P2RY8: variants seen among roughly 807,000 people sequenced by gnomAD.
The protein encoded by P2RY8 is P2Y receptor family member 8.
In P2RY8, 6 loss-of-function variants were observed where a neutral mutation model predicts 10.0. The observed-to-expected ratio is 0.60, with a 90% CI of 0.33 to 1.19. P2RY8 has a LOEUF of 1.19. Ranked by LOEUF, P2RY8 falls within the 50% of genes most tolerant of loss-of-function variation. The pLI, the probability that P2RY8 is intolerant of heterozygous loss-of-function variation, is 0.04. For missense variants in P2RY8, 456 were observed against 542.0 expected, an observed-to-expected ratio of 0.84 and a Z score of 1.58; for synonymous variants, 276 against 252.5, an observed-to-expected ratio of 1.09 and a Z score of -0.88.
At chrX:1,506,834 C>T (rs1482257721) in intron 1 of P2RY8, among the ~76,000 whole-genome samples, 17 of 152,024 alleles carry the variant, frequency 1.1e-4, no homozygotes, top group African/African-American at 3.9e-4. Flanking sequence ...CCCGCCACCA[C>T]GCCCGGCTAA....
At chrX:1,488,167 T>C (rs1483963056) in intron 1 of P2RY8, among the ~76,000 whole-genome samples, 1 of 150,976 alleles carries the variant, frequency 6.6e-6, no homozygotes, top group Non-Finnish European at 1.5e-5. Flanking sequence ...AGTGTATCAC[T>C]AACAGCTGAG....
intron 1 of P2RY8, among the ~76,000 whole-genome samples, chrX:1,483,088 G>A (rs5948910): frequency 0.83 from 125,606 of 152,146 alleles, 56,386 homozygotes; most frequent in East Asian, 1. Context: ...AAACTTAAAT[G>A]AAAGATAAAA....
rs59423173 is a variant in P2RY8 at position 1,477,199 on chromosome X, A to AGAAG, written c.-24-10618_-24-10617insCTTC. Reference sequence around the variant, plus strand: ...GCAAGACTGCATCTCAAAAAAAAAAAAAGAAGAAGAAGAAGAAGAAATTCA... The same window carrying AGAAG: ...GCAAGACTGCATCTCAAAAAAAAAAAGAAGAAGAAGAAGAAGAAGAAGAAATTCA... On this transcript the variant is annotated intron_variant, in intron 1 of 1. Coordinates refer to ENST00000381297, the MANE Select transcript of P2RY8 (RefSeq NM_178129.5). Among the ~76,000 whole-genome samples, 109 of 148,470 alleles carry AGAAG rather than the reference A, an allele frequency of 7.3e-4. 1 individual carries two copies. Among genetic ancestry groups the AGAAG allele is most frequent in the African/African-American group, 2.0e-3 (79 of 40,114 alleles).
At chrX:1,530,153 GTATGATCTATCTATCTATC>G (rs1401416160) in intron 1 of P2RY8, among the ~76,000 whole-genome samples, 2,251 of 39,514 alleles carry the variant, frequency 0.057, 30 homozygotes, top group East Asian at 0.41. Context: ...ATGTATGTAT[GTATGATCTATCTATCTATC>G]TATCTATCTA....
intron 1 of P2RY8, among the ~76,000 whole-genome samples, chrX:1,509,161 T>TTCTATCTATCTATCTA (rs56651378): frequency 0.058 from 8,382 of 144,470 alleles, 227 homozygotes; most frequent in South Asian, 0.09. Context: ...TATCCATCCA[T>TTCTATCTATCTATCTA]TCTATCTATC....
At chrX:1,474,752 G>GATGT (rs1403909990) in intron 1 of P2RY8, among the ~76,000 whole-genome samples, 1 of 148,086 alleles carries the variant, frequency 6.8e-6, no homozygotes, top group Non-Finnish European at 1.5e-5. Context: ...TGGGTGAATG[G>GATGT]ATGTATGATG....
rs373671873 is a variant in P2RY8, at chrX:1,465,625, G to T, written c.934C>A (p.Arg312=). 1.2e-6 allele frequency: 2 copies of T among 1,613,234 alleles called. No homozygotes were observed. The highest frequency in any genetic ancestry group is 2.7e-5 in the African/African-American group (2 of 74,926). Residue 312 remains arginine (R), a synonymous_variant, in exon 2 of 2, where the codon CGG becomes AGG. Coordinates refer to ENST00000381297, the MANE Select transcript of P2RY8 (RefSeq NM_178129.5). ...GTGTCCAGGGTGTCTCTGGGCACCCGGCGGCAGCCCAAATATTCCCGCAGG... is the reference window on the plus strand; with the variant it reads ...GTGTCCAGGGTGTCTCTGGGCACCCTGCGGCAGCCCAAATATTCCCGCAGG... ...LRLREYLGCR[R]VPRDTLDTRR...
chrX:1,487,811 G>A (rs572759034), intron 1 of P2RY8, among the ~76,000 whole-genome samples: 169 of 152,186 alleles, frequency 1.1e-3, no homozygotes, highest in African/African-American at 3.9e-3. Context: ...GTCAGAATAC[G>A]GGTAAAAAAG....
chrX:1,521,139 A>G (rs2092388324), intron 1 of P2RY8, among the ~76,000 whole-genome samples: 1 of 140,594 alleles, frequency 7.1e-6, no homozygotes, highest in Non-Finnish European at 1.5e-5. Context: ...GGTTCAAGGG[A>G]TTCTCCTGCC....
chrX:1,508,705 T>C (rs1264539955), intron 1 of P2RY8, among the ~76,000 whole-genome samples: 8 of 2,934 alleles, frequency 2.7e-3, no homozygotes, highest in South Asian at 0.02. Flanking sequence ...ATCCATCCAT[T>C]CTATCTATCT....
In P2RY8 at chrX:1,465,839, C is replaced by T. The variant is rs780556675; in HGVS notation, c.720G>A (p.Ala240=). 6 of 1,612,898 alleles carry T rather than the reference C, an allele frequency of 3.7e-6. No homozygotes were observed. The highest frequency in any genetic ancestry group is 5.1e-6 in the Non-Finnish European group (6 of 1,179,734). The change falls in exon 2 of 2, where the codon GCG becomes GCA. Residue 240 remains alanine (A), a synonymous_variant. Coordinates refer to ENST00000381297, the MANE Select transcript of P2RY8 (RefSeq NM_178129.5). ...AGGTGACAAAGGCCAGCAAGACCAC[C>T]GCGGCCAGGCCCACCGCGCGCCTCC... ...EQRRRAVGLA[A]VVLLAFVTCF...
At chrX:1,535,453 GC>G (rs2092517110) in intron 1 of P2RY8, among the ~76,000 whole-genome samples, 1 of 151,590 alleles carries the variant, frequency 6.6e-6, no homozygotes, top group African/African-American at 2.4e-5. Context: ...CTCCCAAAGT[GC>G]TGGGATTACA....
intron 1 of P2RY8, among the ~76,000 whole-genome samples, chrX:1,530,024 GT>G (rs2092461883): frequency 6.6e-6 from 1 of 152,074 alleles, no homozygotes; most frequent in South Asian, 2.1e-4. Context: ...TGTCTATAGT[GT>G]TGACGTGGAA....
In P2RY8 at chrX:1,465,566, C is replaced by A. The variant is rs747878512; in HGVS notation, c.993G>T (p.Thr331=). The change falls in exon 2 of 2, where the codon ACG becomes ACT. Residue 331 remains threonine, a synonymous_variant. Coordinates refer to ENST00000381297, the MANE Select transcript of P2RY8 (RefSeq NM_178129.5). ...GCGCACCGGCCTCGGAGCGCACGGACGTGGTCCTGGCGGAGAAGAGGCTCT... is the reference window on the plus strand; with the variant it reads ...GCGCACCGGCCTCGGAGCGCACGGAAGTGGTCCTGGCGGAGAAGAGGCTCT... ...RRESLFSART[T]SVRSEAGAHP... is the part of the protein sequence containing the mutation. The A allele has an allele frequency of 6.2e-7, 1 of 1,612,624 alleles. No individual in the cohort carries two copies. The highest frequency in any genetic ancestry group is 8.5e-7 in the Non-Finnish European group (1 of 1,179,802).
intron 1 of P2RY8, among the ~76,000 whole-genome samples, chrX:1,468,723 CT>C (rs749503745): frequency 0.025 from 3,337 of 134,770 alleles, 543 homozygotes; most frequent in Non-Finnish European, 0.038. Context: ...AGGTGGGACC[CT>C]CCTCTCCTCT....
In P2RY8 at chrX:1,463,413, A is replaced by G. The variant is rs1323241021; in HGVS notation, c.*2066T>C. ...GCCTCTCCCAGCTCCTGGGGGCTCC[A>G]GGTGTCCCTGGGCTTGTGGCCGCAT... On this transcript the variant is annotated 3_prime_UTR_variant, in exon 2 of 2. Coordinates refer to ENST00000381297, the MANE Select transcript of P2RY8 (RefSeq NM_178129.5). 6.9e-5 allele frequency: 16 copies of G among 232,382 alleles called. No homozygotes were observed. Among genetic ancestry groups the G allele is most frequent in the Admixed American group, 6.2e-4 (11 of 17,704 alleles). The allele number at this position is 232,382 out of a possible 1,614,324, so 14.4% of individuals were successfully genotyped here.
chrX:1,528,118 G>A (rs1196089110), intron 1 of P2RY8, among the ~76,000 whole-genome samples: 8 of 152,162 alleles, frequency 5.3e-5, no homozygotes, highest in East Asian at 1.9e-4. Flanking sequence ...CAACCCCAGG[G>A]TAATAGCCTG....
Position 1,472,279 on chromosome X carries a change from AG to A in P2RY8, c.-24-5698del, listed in dbSNP as rs56290848. On this transcript the variant is annotated intron_variant, in intron 1 of 1. Coordinates refer to ENST00000381297, the MANE Select transcript of P2RY8 (RefSeq NM_178129.5). ...ATTCACTGGCGTCCTTAGGAGAAAG[AG>A]AAATTTAGGCACAGACACAGAGAGA... Among the ~76,000 whole-genome samples, 169 of 34,390 alleles carry A rather than the reference AG, an allele frequency of 4.9e-3. 1 individual carries two copies. The highest frequency in any genetic ancestry group is 8.0e-3 in the Non-Finnish European group (137 of 17,136). The allele number at this position is 34,390 out of a possible 152,430, so 22.6% of individuals were successfully genotyped here.
chrX:1,517,606 G>A (rs2092360663), intron 1 of P2RY8, among the ~76,000 whole-genome samples: 2 of 152,180 alleles, frequency 1.3e-5, no homozygotes, highest in South Asian at 4.1e-4. Flanking sequence ...TGCAGTGAGT[G>A]AGTCTGTTGA....
Sources: gnomAD v4.1 joint callset for allele counts (sites outside exome capture counted in the v4.1 genomes callset) on GRCh38, gnomAD v4.1.1 for gene constraint, MANE v1.5 for transcripts, NCBI Gene and HGNC (gene_info 2026-07-23, HGNC 2026-07-21) for gene names.